MAD1L1: variants seen among roughly 807,000 people sequenced by gnomAD.
MAD1L1 encodes mitotic spindle assembly checkpoint protein MAD1.
Under a neutral mutation model 96.9 loss-of-function variants are expected in MAD1L1, and 95 were observed. The ratio of observed to expected loss-of-function variants is 0.98; its 90% CI spans 0.83 to 1.16. MAD1L1 has a LOEUF of 1.16. MAD1L1 is among the 50% of genes most tolerant of loss of function. The pLI, the probability that MAD1L1 is intolerant of heterozygous loss-of-function variation, is 0.00. For synonymous variants in MAD1L1, 473 were observed against 396.6 expected (o/e 1.19, Z -2.29); for missense variants, 1,007 against 954.4 (o/e 1.06, Z -0.73).
chr7:1,938,881 C>A, intron 16 of MAD1L1, among the ~76,000 whole-genome samples: 1 of 113,698 alleles, frequency 8.8e-6, no homozygotes, highest in East Asian at 2.9e-4. Flanking sequence ...CGGACACAGT[C>A]CAGGGCCGGG....
intron 11 of MAD1L1, among the ~76,000 whole-genome samples, chr7:2,071,735 C>T (rs551655976): frequency 7.2e-5 from 11 of 151,984 alleles, no homozygotes; most frequent in Admixed American, 2.6e-4. Flanking sequence ...GGTTTCTCAC[C>T]GGAGCAGGGA....
At position 2,153,241 on chromosome 7, in the gene MAD1L1, G is replaced by A. The variant is rs1789667331; in HGVS notation, c.987-4003C>T. On this transcript the variant is annotated intron_variant, in intron 10 of 18. Transcript: ENST00000265854. ...CATCCAAGAAAACAATCAACAGAGT[G>A]AAGAGACAGCCTCTTGAATGCAGGA... Among the ~76,000 whole-genome samples the A allele has an allele frequency of 2.6e-5, 4 of 152,302 alleles. No homozygotes were observed. The South Asian group carries it at 8.3e-4, about 32-fold the overall frequency.
At chr7:1,838,017 C>A (rs1783028147) in intron 18 of MAD1L1, among the ~76,000 whole-genome samples, 1 of 152,240 alleles carries the variant, frequency 6.6e-6, no homozygotes, top group African/African-American at 2.4e-5. Context: ...AAACTGCTCC[C>A]TCTTGGGTGT....
intron 11 of MAD1L1, among the ~76,000 whole-genome samples, chr7:2,095,235 G>A (rs1033369516): frequency 1.2e-4 from 18 of 152,046 alleles, no homozygotes; most frequent in Admixed American, 9.8e-4. Context: ...TAGTAGAGCC[G>A]GGGTTTCACC....
chr7:2,047,849 T>TCACACACGTG (rs1227823545), intron 12 of MAD1L1, among the ~76,000 whole-genome samples: 3 of 151,776 alleles, frequency 2.0e-5, no homozygotes, highest in African/African-American at 7.3e-5. Flanking sequence ...ACATGCACAA[T>TCACACACGTG]CACACACGTG....
intron 10 of MAD1L1, among the ~76,000 whole-genome samples, chr7:2,195,459 T>A (rs1290207482): frequency 6.6e-6 from 1 of 152,208 alleles, no homozygotes; most frequent in Non-Finnish European, 1.5e-5. Flanking sequence ...ATACCAAGAA[T>A]TGTGTGTCAA....
chr7:2,043,739 C>T (rs1783796403), intron 12 of MAD1L1, among the ~76,000 whole-genome samples: 1 of 152,232 alleles, frequency 6.6e-6, no homozygotes, highest in South Asian at 2.1e-4. Context: ...GGCAGCACCA[C>T]CCCAGGCCTC....
At chr7:2,184,565 G>C (rs181181867) in intron 10 of MAD1L1, among the ~76,000 whole-genome samples, 1 of 152,124 alleles carries the variant, frequency 6.6e-6, no homozygotes, top group Non-Finnish European at 1.5e-5. Flanking sequence ...GTGCTCACTC[G>C]AGAGAATGGA....
At chr7:1,816,589 G>A (rs561123301) in intron 18 of MAD1L1, among the ~76,000 whole-genome samples, 4 of 152,200 alleles carry the variant, frequency 2.6e-5, no homozygotes, top group South Asian at 4.2e-4. Context: ...AGGACCCCAC[G>A]CCCTGGGCAA....
chr7:1,898,559 G>A (rs1315536374), intron 17 of MAD1L1, among the ~76,000 whole-genome samples, 169 bp from the exon 18 acceptor site: 1 of 152,188 alleles, frequency 6.6e-6, no homozygotes, highest in Non-Finnish European at 1.5e-5. Context: ...CATGCATGAG[G>A]GAACGGGAGT....
chr7:2,129,023 G>A (rs1263537498), intron 11 of MAD1L1, among the ~76,000 whole-genome samples: 1 of 152,206 alleles, frequency 6.6e-6, no homozygotes, highest in Non-Finnish European at 1.5e-5. Context: ...TGACCAACTG[G>A]GCAGAGTGGA....
chr7:2,213,802 C>T (rs561036854), intron 9 of MAD1L1, among the ~76,000 whole-genome samples: 1 of 152,340 alleles, frequency 6.6e-6, no homozygotes, highest in African/African-American at 2.4e-5. Flanking sequence ...ACACTGCCTA[C>T]AGGCCAGCCC....
At position 2,208,837 on chromosome 7, in the gene MAD1L1, G is replaced by C. The variant is rs1612548; in HGVS notation, c.986+4375C>G. ...CCTCAAAGGGTGTGTGCTGGCCTCC[G>C]CTTTCCTCACCCGTAAGTCACTCCC... On this transcript the variant is annotated intron_variant, in intron 10 of 18. Transcript: ENST00000265854. 3.3e-5 allele frequency among the ~76,000 whole-genome samples: 5 copies of C among 151,838 alleles called. No homozygotes were observed. In the South Asian group the frequency reaches 6.3e-4, roughly 19 times the overall value.
rs117506782 is a variant in MAD1L1, at chr7:1,860,945, C to T, written c.1998+37255G>A. ...TCAAATCTCCCACCCAGTTCTGGGTCTTGCCTGGAGGGGCTAGTCTATAGG... is the reference window on the plus strand; with the variant it reads ...TCAAATCTCCCACCCAGTTCTGGGTTTTGCCTGGAGGGGCTAGTCTATAGG... On this transcript the variant is annotated intron_variant, in intron 18 of 18. Coordinates refer to ENST00000265854, the MANE Select transcript of MAD1L1 (RefSeq NM_001013836.2). 3.1e-3 allele frequency among the ~76,000 whole-genome samples: 479 copies of T among 152,302 alleles called. 3 individuals carry two copies. Among genetic ancestry groups the T allele is most frequent in the South Asian group, 9.3e-3 (45 of 4,820 alleles).
chr7:2,122,709 C>T (rs1429534443), intron 11 of MAD1L1, among the ~76,000 whole-genome samples: 1 of 152,204 alleles, frequency 6.6e-6, no homozygotes, highest in Non-Finnish European at 1.5e-5. Flanking sequence ...AGCCTTGGTC[C>T]AAGCAGCTGG....
At chr7:2,069,092 C>T (rs745617163) in intron 12 of MAD1L1, 102 bp downstream of exon 12, 20 of 1,416,488 alleles carry the variant, frequency 1.4e-5, no homozygotes, top group South Asian at 1.2e-4. Flanking sequence ...AACCCTGACC[C>T]GGCTGCAGCA....
In MAD1L1 at chr7:1,898,405, G is replaced by A. The variant is rs779016626; in HGVS notation, c.1808-15C>T. 1.9e-6 allele frequency: 3 copies of A among 1,611,828 alleles called. No individual in the cohort carries two copies. The Admixed American group carries it at 5.0e-5, about 27-fold the overall frequency. Reference sequence around the variant, plus strand: ...CTTCTTCAGCTCTGCGGGAGGGACGGAAGGAGACAGTGAGTGCGGCACCAG... The same window carrying A: ...CTTCTTCAGCTCTGCGGGAGGGACGAAAGGAGACAGTGAGTGCGGCACCAG... On this transcript the variant is annotated splice_polypyrimidine_tract_variant and intron_variant, in intron 17 of 18. Transcript: ENST00000265854.
At chr7:1,885,890 C>T (rs1785987681) in intron 18 of MAD1L1, among the ~76,000 whole-genome samples, 1 of 151,876 alleles carries the variant, frequency 6.6e-6, no homozygotes, top group South Asian at 2.1e-4. Context: ...GCAGACACCC[C>T]AGCAGGGACC....
chr7:2,114,918 G>T lies in MAD1L1; in HGVS notation c.1073+34234C>A, dbSNP rs536854564. Among the ~76,000 whole-genome samples, 1 of 152,198 alleles carries T rather than the reference G, an allele frequency of 6.6e-6. No homozygotes were observed. Among genetic ancestry groups the T allele is most frequent in the Non-Finnish European group, 1.5e-5 (1 of 68,038 alleles). On this transcript the variant is annotated intron_variant, in intron 11 of 18. Coordinates refer to ENST00000265854, the MANE Select transcript of MAD1L1 (RefSeq NM_001013836.2). This position sits in a 1 kb window ranked among gnomAD's most constrained non-coding sequence, Gnocchi z 4.2. ...GCAAACACAAGGGCCTCGAAGCCCCGCCTTCCGGTGAGCACCGCTGCAGCA... is the reference window on the plus strand; with the variant it reads ...GCAAACACAAGGGCCTCGAAGCCCCTCCTTCCGGTGAGCACCGCTGCAGCA...
Sources: gnomAD v4.1 joint callset for allele counts (sites outside exome capture counted in the v4.1 genomes callset) on GRCh38, gnomAD v4.1.1 for gene constraint, Gnocchi (gnomAD v3.1) non-coding constraint, MANE v1.5 for transcripts, NCBI Gene and HGNC (gene_info 2026-07-23, HGNC 2026-07-21) for gene names.